FAM107B: variants seen among roughly 807,000 people sequenced by gnomAD.
The protein encoded by FAM107B is protein FAM107B.
In FAM107B, 21 loss-of-function variants were observed where a neutral mutation model predicts 31.5. The observed-to-expected ratio is 0.67, with a 90% CI of 0.47 to 0.96. The LOEUF (loss-of-function observed/expected upper bound fraction) is 0.96. Among genes scored for constraint, FAM107B ranks in the 40% least tolerant of loss-of-function variants. The pLI, the probability that FAM107B is intolerant of heterozygous loss-of-function variation, is 0.00. For synonymous variants in FAM107B, 157 were observed against 141.5 expected, an observed-to-expected ratio of 1.11 and a Z score of -0.78; for missense variants, 452 against 377.1, an observed-to-expected ratio of 1.20 and a Z score of -1.64.
intron 2 of FAM107B, among the ~76,000 whole-genome samples, chr10:14,554,653 A>G (rs1233812318): frequency 6.6e-6 from 1 of 152,182 alleles, no homozygotes; most frequent in African/African-American, 2.4e-5. Flanking sequence ...GTAGCGTTGC[A>G]TAAACATTGG....
chr10:14,529,213 A>G (rs948337257), intron 3 of FAM107B, among the ~76,000 whole-genome samples: 3 of 152,224 alleles, frequency 2.0e-5, no homozygotes, highest in Non-Finnish European at 2.9e-5. Flanking sequence ...TACCAAATTC[A>G]TATATTCTTT....
At chr10:14,580,600 T>C (rs1851605188) in intron 2 of FAM107B, among the ~76,000 whole-genome samples, 1 of 152,098 alleles carries the variant, frequency 6.6e-6, no homozygotes. Context: ...CCACATGGAA[T>C]GTTACACAAG....
intron 2 of FAM107B, 147 bp from the exon 3 acceptor site, chr10:14,530,662 A>G (rs951299826): frequency 7.1e-6 from 5 of 702,338 alleles, no homozygotes; most frequent in Admixed American, 6.1e-5. Flanking sequence ...AATATTCTAA[A>G]GCGCTTGGAA....
intron 1 of FAM107B, among the ~76,000 whole-genome samples, chr10:14,727,076 C>T (rs1475601239): frequency 6.6e-6 from 1 of 152,008 alleles, no homozygotes; most frequent in African/African-American, 2.4e-5. Flanking sequence ...ATGTGCAGTT[C>T]ACAATAGGGT....
chr10:14,613,183 G>T (rs1852767151), intron 2 of FAM107B, among the ~76,000 whole-genome samples: 1 of 152,072 alleles, frequency 6.6e-6, no homozygotes, highest in Non-Finnish European at 1.5e-5. Context: ...CGTTGGCCAG[G>T]CTGGTCTCGA....
chr10:14,759,958 C>T (rs1274978320), intron 1 of FAM107B, among the ~76,000 whole-genome samples: 2 of 152,154 alleles, frequency 1.3e-5, no homozygotes, highest in Admixed American at 6.5e-5. Context: ...GTGATCCACT[C>T]CCCTTGGTCT....
At chr10:14,676,938 T>C (rs528501054) in intron 1 of FAM107B, among the ~76,000 whole-genome samples, 126 of 152,300 alleles carry the variant, frequency 8.3e-4, no homozygotes, top group Non-Finnish European at 1.8e-4. Context: ...ACTGACTTGG[T>C]TGACATGAAA....
intron 1 of FAM107B, among the ~76,000 whole-genome samples, chr10:14,710,468 A>T (rs888912050): frequency 6.7e-6 from 1 of 148,960 alleles, no homozygotes; most frequent in African/African-American, 2.5e-5. Context: ...ACACACACAC[A>T]CACACACACA....
chr10:14,753,499 C>A (rs1285314298), intron 1 of FAM107B, among the ~76,000 whole-genome samples: 1 of 152,202 alleles, frequency 6.6e-6, no homozygotes, highest in African/African-American at 2.4e-5. Flanking sequence ...ACAGGAAGAA[C>A]TTCTAGATTT....
chr10:14,700,988 G>A (rs184359822), intron 1 of FAM107B, among the ~76,000 whole-genome samples: 1 of 152,126 alleles, frequency 6.6e-6, no homozygotes, highest in East Asian at 1.9e-4. Flanking sequence ...CCAGGACAAG[G>A]ACCAGAAGTG....
chr10:14,727,673 C>A (rs949765007), intron 1 of FAM107B, among the ~76,000 whole-genome samples: 1 of 152,188 alleles, frequency 6.6e-6, no homozygotes, highest in Non-Finnish European at 1.5e-5. Context: ...CTCCAGTTGT[C>A]CACTGTGGCA....
chr10:14,688,554 T>A (rs1407154895), intron 1 of FAM107B, among the ~76,000 whole-genome samples: 4 of 152,200 alleles, frequency 2.6e-5, no homozygotes, highest in Admixed American at 6.5e-5. Context: ...GATTTTCAAT[T>A]GTTCAGCCTT....
chr10:14,734,027 TGCC>T (rs1456622671), intron 1 of FAM107B, among the ~76,000 whole-genome samples: 1 of 152,216 alleles, frequency 6.6e-6, no homozygotes, highest in Non-Finnish European at 1.5e-5. Context: ...ATACATGGGC[TGCC>T]AAACACACCT....
At chr10:14,696,714 G>C (rs768499579) in intron 1 of FAM107B, among the ~76,000 whole-genome samples, 16 of 152,068 alleles carry the variant, frequency 1.1e-4, no homozygotes, top group African/African-American at 3.9e-4. Context: ...ATCGATCTCC[G>C]TCCCTTGTTA....
intron 1 of FAM107B, among the ~76,000 whole-genome samples, chr10:14,734,023 G>T (rs1337519548): frequency 6.6e-6 from 1 of 152,102 alleles, no homozygotes; most frequent in African/African-American, 2.4e-5. Flanking sequence ...ATTAATACAT[G>T]GGCTGCCAAA....
intron 2 of FAM107B, among the ~76,000 whole-genome samples, chr10:14,645,729 G>T (rs1227672096): frequency 6.6e-6 from 1 of 152,144 alleles, no homozygotes; most frequent in African/African-American, 2.4e-5. Flanking sequence ...TTTCACCTAA[G>T]CTAGGATTTA....
intron 2 of FAM107B, among the ~76,000 whole-genome samples, chr10:14,538,012 T>G (rs1440542428): frequency 6.6e-6 from 1 of 152,130 alleles, no homozygotes; most frequent in Non-Finnish European, 1.5e-5. Flanking sequence ...GGACCAAGAT[T>G]TGACCTTGAG....
intron 1 of FAM107B, among the ~76,000 whole-genome samples, chr10:14,700,324 G>T (rs1855365482): frequency 6.6e-6 from 1 of 152,174 alleles, no homozygotes. Flanking sequence ...GAGAGAGTCA[G>T]CAAAGCACTG....
chr10:14,599,911 ATTTTACTCTTTAAATATTTT>A (rs1852326528), intron 2 of FAM107B, among the ~76,000 whole-genome samples: 3 of 151,966 alleles, frequency 2.0e-5, no homozygotes, highest in African/African-American at 7.2e-5. Flanking sequence ...TCAGAACTCA[ATTTTACTCTTTAAATATTTT>A]TAAAGCTGAA....
Sources: gnomAD v4.1 joint callset for allele counts (sites outside exome capture counted in the v4.1 genomes callset) on GRCh38, gnomAD v4.1.1 for gene constraint, MANE v1.5 for transcripts, NCBI Gene and HGNC (gene_info 2026-07-23, HGNC 2026-07-21) for gene names.